FGD6: variants seen among roughly 807,000 people sequenced by gnomAD.
FGD6 encodes the protein FYVE, RhoGEF and PH domain-containing protein 6.
FGD6 carries 90 observed loss-of-function variants against 149.4 expected under a neutral mutation model. That is an observed-to-expected ratio of 0.60 (90% CI 0.51 to 0.72). The LOEUF (loss-of-function observed/expected upper bound fraction) is 0.72, where lower values mean the gene tolerates loss of function less well. Ranked by LOEUF, FGD6 falls within the 30% of genes least tolerant of loss-of-function variation. FGD6 has a pLI of 0.00. For synonymous variants in FGD6, 527 were observed against 584.0 expected (o/e 0.90, Z 1.41); for missense variants, 1,437 against 1,684.8 (o/e 0.85, Z 2.57).
intron 3 of FGD6, among the ~76,000 whole-genome samples, chr12:95,160,786 C>G (rs1398611386): frequency 6.6e-6 from 1 of 152,146 alleles, no homozygotes; most frequent in East Asian, 1.9e-4. Flanking sequence ...ATCGCTTGAA[C>G]CCAGGAGGCA....
intron 14 of FGD6, among the ~76,000 whole-genome samples, chr12:95,103,158 T>C (rs139840149): frequency 2.0e-5 from 3 of 152,328 alleles, no homozygotes; most frequent in African/African-American, 7.2e-5. Context: ...CAACTTGCCT[T>C]ACAGGTTGCT....
intron 2 of FGD6, among the ~76,000 whole-genome samples, chr12:95,192,820 G>A (rs1486123648): frequency 6.6e-6 from 1 of 152,134 alleles, no homozygotes; most frequent in Non-Finnish European, 1.5e-5. Context: ...CTGGGAAAAG[G>A]GTTTTTTAGG....
chr12:95,169,119 G>C (rs990906923), intron 3 of FGD6, among the ~76,000 whole-genome samples: 4 of 152,132 alleles, frequency 2.6e-5, no homozygotes, highest in Non-Finnish European at 5.9e-5. Context: ...GGTAAAAAAT[G>C]TTCAATGTCC....
At chr12:95,189,262 G>A (rs1275648379) in intron 2 of FGD6, 1 of 152,198 alleles carries the variant, frequency 6.6e-6, no homozygotes, top group Non-Finnish European at 1.5e-5. Flanking sequence ...ACATTAATTT[G>A]TAGAGTACAA....
In FGD6 at chr12:95,134,767, C is replaced by T; in HGVS notation, c.3054G>A (p.Arg1018=). 1 of 1,613,902 alleles carries T rather than the reference C, an allele frequency of 6.2e-7. No individual in the cohort carries two copies. Among genetic ancestry groups the T allele is most frequent in the African/African-American group, 1.3e-5 (1 of 75,012 alleles). ...LKHYLLKPVQ[R]IPQYRLLLTD... ...TCAGCAACAGCCTGTACTGGGGGAT[C>T]CTCTGAACCGGCTTGAGCAGGTAGT... is the stretch of plus-strand genomic sequence containing the variant. The change falls in exon 8 of 21, where the codon AGG becomes AGA. Residue 1018 remains arginine, a synonymous_variant. Coordinates refer to ENST00000343958, the MANE Select transcript of FGD6 (RefSeq NM_018351.4).
intron 13 of FGD6, among the ~76,000 whole-genome samples, chr12:95,105,316 G>A (rs1878576133): frequency 6.6e-6 from 1 of 152,092 alleles, no homozygotes; most frequent in Non-Finnish European, 1.5e-5. Flanking sequence ...CCCTCCACCT[G>A]GAATGCCTTT....
At chr12:95,155,287 C>G (rs1237124752) in intron 3 of FGD6, among the ~76,000 whole-genome samples, 2 of 152,074 alleles carry the variant, frequency 1.3e-5, no homozygotes, top group African/African-American at 4.8e-5. Flanking sequence ...AGCACTTTGG[C>G]AGGCCGAGGC....
At chr12:95,150,697 C>T (rs1249894920) in intron 5 of FGD6, among the ~76,000 whole-genome samples, 1 of 151,866 alleles carries the variant, frequency 6.6e-6, no homozygotes, top group African/African-American at 2.4e-5. Context: ...CAGTTTTGAA[C>T]TCCTAGGCTC....
At chr12:95,158,462 C>T (rs1053098947) in intron 3 of FGD6, among the ~76,000 whole-genome samples, 1 of 151,788 alleles carries the variant, frequency 6.6e-6, no homozygotes, top group Non-Finnish European at 1.5e-5. Context: ...GGCATGATCA[C>T]TCACCTTTTA....
intron 14 of FGD6, among the ~76,000 whole-genome samples, chr12:95,098,848 TGAAG>T (rs1878325736): frequency 6.6e-6 from 1 of 150,678 alleles, no homozygotes. Flanking sequence ...GTCAGCTCAG[TGAAG>T]GAAGGGCCCT....
chr12:95,209,126 C>T lies in FGD6; in HGVS notation c.2158G>A (p.Glu720Lys). The T allele has an allele frequency of 6.2e-7, 1 of 1,614,168 alleles. No homozygotes were observed. Among genetic ancestry groups the T allele is most frequent in the Non-Finnish European group, 8.5e-7 (1 of 1,180,018 alleles). Reference sequence around the variant, plus strand: ...GAGAGCATTTGGTCATCCAAAGACTCAGCTCTCAGACCATTAGCTGCACTG... The same window carrying T: ...GAGAGCATTTGGTCATCCAAAGACTTAGCTCTCAGACCATTAGCTGCACTG... ...QTSAANGLRA[E>K]SLDDQMLSRE... is the part of the protein sequence containing the mutation. The change falls in exon 2 of 21, where the codon GAG becomes AAG. Residue 720 changes from glutamate to lysine, a missense_variant. By Grantham distance (56) the Glu-to-Lys change is moderately conservative. This residue lies in a region of FGD6 where 1,055 missense variants were observed against 1,146.0 expected (regional missense o/e 0.92). Transcript: ENST00000343958.
intron 9 of FGD6, among the ~76,000 whole-genome samples, chr12:95,113,231 C>CTT (rs11343496): frequency 0.017 from 1,904 of 109,596 alleles, 80 homozygotes; most frequent in African/African-American, 0.061. Context: ...GGCCTCAAGT[C>CTT]TTTTTTTTTT....
At chr12:95,194,734 G>GT (rs902918916) in intron 2 of FGD6, among the ~76,000 whole-genome samples, 2 of 152,082 alleles carry the variant, frequency 1.3e-5, no homozygotes, top group African/African-American at 4.8e-5. Flanking sequence ...GTGAGTACAA[G>GT]TAAAAACGGG....
chr12:95,110,413 G>A (rs1348193490), intron 9 of FGD6, among the ~76,000 whole-genome samples: 1 of 150,278 alleles, frequency 6.7e-6, no homozygotes, highest in Non-Finnish European at 1.5e-5. Flanking sequence ...CTGAAGTGCA[G>A]TGGCATGATC....
intron 7 of FGD6, among the ~76,000 whole-genome samples, chr12:95,135,231 C>G (rs1592846735): frequency 6.6e-6 from 1 of 152,272 alleles, no homozygotes; most frequent in South Asian, 2.1e-4. Flanking sequence ...AGTGGAAATA[C>G]AACTGCCAGG....
At chr12:95,201,538 C>G (rs890390133) in intron 2 of FGD6, among the ~76,000 whole-genome samples, 2 of 152,138 alleles carry the variant, frequency 1.3e-5, no homozygotes, top group Non-Finnish European at 2.9e-5. Flanking sequence ...TCCAAACACC[C>G]TACTGCTAGG....
intron 2 of FGD6, among the ~76,000 whole-genome samples, chr12:95,174,238 G>A (rs1366489563): frequency 6.6e-6 from 1 of 152,106 alleles, no homozygotes; most frequent in African/African-American, 2.4e-5. Flanking sequence ...CAACCCCGCC[G>A]GATAGTTAAT....
intron 18 of FGD6, among the ~76,000 whole-genome samples, chr12:95,087,759 A>T (rs1351016218): frequency 6.6e-6 from 1 of 152,160 alleles, no homozygotes; most frequent in Non-Finnish European, 1.5e-5. Flanking sequence ...TAATTATATT[A>T]ATTTCTTATA....
At chr12:95,132,445 A>T (rs1271398214) in intron 8 of FGD6, among the ~76,000 whole-genome samples, 1 of 152,214 alleles carries the variant, frequency 6.6e-6, no homozygotes, top group Non-Finnish European at 1.5e-5. Context: ...GAACAGTCGT[A>T]GTGTGTAAAA....
Sources: gnomAD v4.1 joint callset for allele counts (sites outside exome capture counted in the v4.1 genomes callset) on GRCh38, gnomAD v4.1.1 for gene constraint, gnomAD v4.1.1 regional missense constraint, MANE v1.5 for transcripts, NCBI Gene and HGNC (gene_info 2026-07-23, HGNC 2026-07-21) for gene names.